Variants in RBFOX1 observed in about 807,000 individuals in gnomAD.
The protein encoded by RBFOX1 is RNA binding protein fox-1 homolog 1.
RBFOX1 carries 8 observed loss-of-function variants against 57.7 expected under a neutral mutation model. That is an observed-to-expected ratio of 0.14 (90% CI 0.08 to 0.25). RBFOX1 has a LOEUF of 0.25. Ranked by LOEUF, RBFOX1 falls within the 10% of genes least tolerant of loss-of-function variation. RBFOX1 has a pLI of 1.00. For missense variants in RBFOX1, 611 were observed against 548.5 expected (o/e 1.11, Z -1.14); for synonymous variants, 326 against 222.4 (o/e 1.47, Z -4.15).
chr16:5,755,674 C>G (rs992751192), intron 3 of RBFOX1, among the ~76,000 whole-genome samples: 1 of 152,198 alleles, frequency 6.6e-6, no homozygotes, highest in Non-Finnish European at 1.5e-5. Flanking sequence ...TTTTGGCTCA[C>G]TGCAGCCTCC....
At chr16:6,720,299 C>T (rs1018791914) in intron 3 of RBFOX1, among the ~76,000 whole-genome samples, 6 of 152,050 alleles carry the variant, frequency 3.9e-5, no homozygotes, top group African/African-American at 1.4e-4. Flanking sequence ...CCTGTTTCTG[C>T]TACGTAAGAC....
chr16:7,047,639 C>G (rs757562740), intron 3 of RBFOX1, among the ~76,000 whole-genome samples: 1 of 133,462 alleles, frequency 7.5e-6, no homozygotes. Context: ...GCAGTGAACT[C>G]TTTATCCTTA....
intron 4 of RBFOX1, among the ~76,000 whole-genome samples, chr16:7,280,392 G>T (rs1384618549): frequency 6.6e-6 from 1 of 152,222 alleles, no homozygotes; most frequent in Non-Finnish European, 1.5e-5. Context: ...AGAAAGACAT[G>T]CACAGTATCT....
chr16:6,665,582 G>A (rs2098727036), intron 3 of RBFOX1, among the ~76,000 whole-genome samples: 1 of 150,240 alleles, frequency 6.7e-6, no homozygotes, highest in African/African-American at 2.5e-5. Flanking sequence ...CTGAGATTGT[G>A]CCATCACATT....
chr16:5,867,000 T>A (rs2057357560), intron 3 of RBFOX1, among the ~76,000 whole-genome samples: 1 of 152,344 alleles, frequency 6.6e-6, no homozygotes, highest in Admixed American at 6.5e-5. Context: ...TTAATCATTA[T>A]CAGTACATGG....
chr16:6,197,620 G>A (rs1381303683), intron 1 of RBFOX1, among the ~76,000 whole-genome samples: 1 of 150,466 alleles, frequency 6.6e-6, no homozygotes, highest in Non-Finnish European at 1.5e-5. Context: ...CCTGTTTGGT[G>A]CACAATGAGT....
intron 4 of RBFOX1, among the ~76,000 whole-genome samples, chr16:7,449,545 CA>C (rs2098834797): frequency 6.6e-6 from 1 of 152,044 alleles, no homozygotes; most frequent in Admixed American, 6.6e-5. Context: ...TGTAATTTTG[CA>C]TTGTTTGTTT....
At chr16:7,210,649 T>G in intron 4 of RBFOX1, among the ~76,000 whole-genome samples, 1 of 152,190 alleles carries the variant, frequency 6.6e-6, no homozygotes, top group Non-Finnish European at 1.5e-5. Flanking sequence ...ATTTTGCTCT[T>G]AGTAGGTGTC....
At chr16:6,628,344 C>T (rs866210719) in intron 2 of RBFOX1, among the ~76,000 whole-genome samples, 2 of 152,088 alleles carry the variant, frequency 1.3e-5, no homozygotes, top group South Asian at 2.1e-4. Context: ...AGAGTATGTC[C>T]CAACAGCAGG....
At chr16:7,187,673 A>C (rs976196894) in intron 4 of RBFOX1, among the ~76,000 whole-genome samples, 9 of 136,198 alleles carry the variant, frequency 6.6e-5, no homozygotes, top group African/African-American at 2.5e-4. Context: ...TGGGCAACAG[A>C]ATGAGACTCT....
At chr16:6,427,664 C>A (rs75725482) in intron 2 of RBFOX1, among the ~76,000 whole-genome samples, 2,077 of 152,202 alleles carry the variant, frequency 0.014, 29 homozygotes, top group South Asian at 0.031. Flanking sequence ...ATTGTATTAC[C>A]ATTATGATAT....
At chr16:6,141,090 G>C (rs1375129746) in intron 1 of RBFOX1, among the ~76,000 whole-genome samples, 1 of 152,156 alleles carries the variant, frequency 6.6e-6, no homozygotes, top group African/African-American at 2.4e-5. Context: ...CCATCCCCAT[G>C]TCTTCTCTCT....
At chr16:7,214,627 A>G (rs531337118) in intron 4 of RBFOX1, among the ~76,000 whole-genome samples, 11 of 152,136 alleles carry the variant, frequency 7.2e-5, no homozygotes, top group African/African-American at 2.6e-4. Flanking sequence ...AAATCTGATC[A>G]TGTCTGAGCT....
intron 4 of RBFOX1, among the ~76,000 whole-genome samples, chr16:7,160,159 G>A (rs1027994133): frequency 1.3e-5 from 2 of 151,250 alleles, no homozygotes; most frequent in African/African-American, 4.9e-5. Context: ...GAATTCTGAG[G>A]ATTCTTGGTT....
At chr16:5,749,551 G>A (rs1299853850) in intron 3 of RBFOX1, among the ~76,000 whole-genome samples, 2 of 152,188 alleles carry the variant, frequency 1.3e-5, no homozygotes, top group African/African-American at 2.4e-5. Flanking sequence ...ATTTCTTGGA[G>A]GCTTTGTTCG....
chr16:6,899,481 G>T (rs1469179185), intron 3 of RBFOX1, among the ~76,000 whole-genome samples: 4 of 152,126 alleles, frequency 2.6e-5, no homozygotes, highest in East Asian at 1.9e-4. Context: ...CAAGAGCACC[G>T]AGTCATCTGC....
intron 4 of RBFOX1, among the ~76,000 whole-genome samples, chr16:7,303,391 G>A (rs1183403336): frequency 4.7e-4 from 71 of 152,130 alleles, no homozygotes; most frequent in Non-Finnish European, 5.9e-5. Flanking sequence ...TGTTTATTTG[G>A]CAAGGAATCC....
chr16:5,877,251 CAG>C (rs1471765162), intron 4 of RBFOX1, among the ~76,000 whole-genome samples: 12 of 152,184 alleles, frequency 7.9e-5, no homozygotes, highest in African/African-American at 2.9e-4. Context: ...TTCAGAAAGT[CAG>C]AGAGTTTTAA....
At chr16:7,058,817 T>G (rs1291244928) in intron 4 of RBFOX1, among the ~76,000 whole-genome samples, 1 of 152,206 alleles carries the variant, frequency 6.6e-6, no homozygotes, top group East Asian at 1.9e-4. Context: ...TTATGTTCCA[T>G]TTATTGTTCC....
Sources: gnomAD v4.1 joint callset for allele counts (sites outside exome capture counted in the v4.1 genomes callset) on GRCh38, gnomAD v4.1.1 for gene constraint, MANE v1.5 for transcripts, NCBI Gene and HGNC (gene_info 2026-07-23, HGNC 2026-07-21) for gene names.